The following SELENOP variants were observed in gnomAD, a reference collection of about 807,000 sequenced individuals.
The protein encoded by SELENOP is selenoprotein P, also known as selenoprotein P, plasma, 1.
Under a neutral mutation model 41.0 loss-of-function variants are expected in SELENOP, and 36 were observed. The observed-to-expected ratio is 0.88, with a 90% CI of 0.67 to 1.16. SELENOP has a LOEUF of 1.16. SELENOP is among the 50% of genes most tolerant of loss of function. SELENOP has a pLI of 0.00. For synonymous variants in SELENOP, 144 were observed against 150.8 expected (o/e 0.95, Z 0.33); for missense variants, 440 against 454.2 (o/e 0.97, Z 0.28).
rs1760161140 is a variant in SELENOP at position 42,800,584 on chromosome 5, A to G, written c.*136T>C. 2 of 1,070,992 alleles carry G rather than the reference A, an allele frequency of 1.9e-6. No homozygotes were observed. The highest frequency in any genetic ancestry group is 5.2e-5 in the Admixed American group (2 of 38,262). 66.3% of individuals were successfully genotyped at this position (1,070,992 alleles called of 1,614,324 possible). Reference sequence around the variant, plus strand: ...TATGACATAAAATTTAAAATCTGGAAGCCAATTCAGTAGATTTCTCCATGT... The same window carrying G: ...TATGACATAAAATTTAAAATCTGGAGGCCAATTCAGTAGATTTCTCCATGT... On this transcript the variant is annotated 3_prime_UTR_variant, in exon 5 of 5. Transcript: ENST00000514985.
At chr5:42,811,205 C>A (rs557226663) in intron 1 of SELENOP, among the ~76,000 whole-genome samples, 54 of 152,268 alleles carry the variant, frequency 3.5e-4, no homozygotes, top group African/African-American at 1.2e-3. Context: ...GAACTTTAGG[C>A]CAGCATCTGA....
At chr5:42,803,937 C>T (rs1389349204) in intron 4 of SELENOP, among the ~76,000 whole-genome samples, 1 of 152,146 alleles carries the variant, frequency 6.6e-6, no homozygotes, top group Non-Finnish European at 1.5e-5. Context: ...TAGTTTCTGG[C>T]CCCAGTTCCA....
chr5:42,810,786 G>A, intron 1 of SELENOP: 1 of 1,078,360 alleles, frequency 9.3e-7, no homozygotes, highest in Non-Finnish European at 1.2e-6. Flanking sequence ...TAGCTGAATG[G>A]TGAATACAAA....
At chr5:42,803,483 A>G (rs1264314152) in intron 4 of SELENOP, among the ~76,000 whole-genome samples, 1 of 150,770 alleles carries the variant, frequency 6.6e-6, no homozygotes, top group African/African-American at 2.5e-5. Context: ...ACATAACTAG[A>G]GTAAGTAACT....
Position 42,801,336 on chromosome 5 carries a change from A to T in SELENOP, c.535-5T>A, listed in dbSNP as rs778463136. 1 of 1,588,166 alleles carries T rather than the reference A, an allele frequency of 6.3e-7. No homozygotes were observed. The highest frequency in any genetic ancestry group is 1.1e-5 in the South Asian group (1 of 87,946). ...AAAGTCTTCATCTTTGAGAGTCTGG[A>T]ACAAATTTATAAATCACTTTTTAAC... On this transcript the variant is annotated splice_region_variant and splice_polypyrimidine_tract_variant and intron_variant, in intron 4 of 4. Coordinates refer to ENST00000514985, the MANE Select transcript of SELENOP (RefSeq NM_005410.4).
chr5:42,809,778 T>C, intron 1 of SELENOP: 1 of 958,762 alleles, frequency 1.0e-6, no homozygotes, highest in Non-Finnish European at 1.2e-6. Flanking sequence ...GATATCTTGA[T>C]AAGAACTTAA....
At chr5:42,804,296 C>G (rs1760280009) in intron 4 of SELENOP, among the ~76,000 whole-genome samples, 1 of 152,058 alleles carries the variant, frequency 6.6e-6, no homozygotes, top group African/African-American at 2.4e-5. Context: ...CCCGTCTCTA[C>G]TAAAAATACA....
In SELENOP at chr5:42,800,077, C is replaced by G; in HGVS notation, c.*643G>C. 3.9e-6 allele frequency: 1 copy of G among 254,096 alleles called. No individual in the cohort carries two copies. The highest frequency in any genetic ancestry group is 7.4e-6 in the Non-Finnish European group (1 of 135,258). 15.7% of individuals were successfully genotyped at this position (254,096 alleles called of 1,614,324 possible). A position where few individuals can be genotyped will look rare whatever the true frequency, so the allele number is the denominator to read the frequency against. ...GACAATATTATCTTTCCCCTTATATCTTTTAAGACAGCCACTCAAGTTTTA... is the reference window on the plus strand; with the variant it reads ...GACAATATTATCTTTCCCCTTATATGTTTTAAGACAGCCACTCAAGTTTTA... On this transcript the variant is annotated 3_prime_UTR_variant, in exon 5 of 5. Transcript: ENST00000514985.
chr5:42,804,254 G>A (rs28919907), intron 4 of SELENOP, among the ~76,000 whole-genome samples: 9 of 152,214 alleles, frequency 5.9e-5, no homozygotes, highest in Admixed American at 5.9e-4. Flanking sequence ...AAGGGCTGGA[G>A]ATCGAGACCA....
At chr5:42,804,436 C>G (rs28919269) in intron 4 of SELENOP, among the ~76,000 whole-genome samples, 39,063 of 151,846 alleles carry the variant, frequency 0.26, 5,578 homozygotes, top group Admixed American at 0.37. Flanking sequence ...ACTCCAGCCT[C>G]GGCGACAGAG....
rs531497308 is a variant in SELENOP at position 42,807,138 on chromosome 5, T to C, written c.204-30A>G. The C allele has an allele frequency of 1.8e-5, 20 of 1,083,000 alleles. 1 individual carries two copies. Among genetic ancestry groups the C allele is most frequent in the Middle Eastern group, 6.2e-4 (2 of 3,240 alleles). 67.1% of individuals were successfully genotyped at this position (1,083,000 alleles called of 1,614,324 possible). Reference sequence around the variant, plus strand: ...AATATTTGGGAAGAAATACATAAAATGAATAATCTCATTTGATTTGATTAG... The same window carrying C: ...AATATTTGGGAAGAAATACATAAAACGAATAATCTCATTTGATTTGATTAG... On this transcript the variant is annotated intron_variant, in intron 2 of 4. Coordinates refer to ENST00000514985, the MANE Select transcript of SELENOP (RefSeq NM_005410.4).
chr5:42,807,213 T>A, intron 2 of SELENOP, 105 bp from the exon 3 acceptor site: 1 of 602,246 alleles, frequency 1.7e-6, no homozygotes, highest in Non-Finnish European at 2.9e-6. Flanking sequence ...CTCCTTCTTA[T>A]TTTTAACTAA....
chr5:42,811,441 T>G (rs558505269), intron 1 of SELENOP, among the ~76,000 whole-genome samples: 12 of 152,366 alleles, frequency 7.9e-5, no homozygotes, highest in Admixed American at 5.9e-4. Context: ...TATTTCAGTG[T>G]CTGCTCTTCA....
At chr5:42,809,716 A>T (rs1760419083) in intron 1 of SELENOP, 1 of 715,338 alleles carries the variant, frequency 1.4e-6, no homozygotes, top group Non-Finnish European at 1.7e-6. Flanking sequence ...AGAATTTTTA[A>T]CCCTGATTGT....
At chr5:42,801,581 A>C in intron 4 of SELENOP, 1 of 456,918 alleles carries the variant, frequency 2.2e-6, no homozygotes. Flanking sequence ...GGCAAAAGGA[A>C]CTTGGATTGC....
intron 4 of SELENOP, 50 bp from the exon 5 acceptor site, chr5:42,801,381 T>G: frequency 3.0e-5 from 39 of 1,283,556 alleles, no homozygotes; most frequent in Non-Finnish European, 3.7e-5. Context: ...GAGATAGGAA[T>G]AATGCGTGAA....
At position 42,799,954 on chromosome 5, in the gene SELENOP, A is replaced by G. The variant is rs1290161456; in HGVS notation, c.*766T>C. ...CCAATTCTGTACTGCATTCTTGCTT[A>G]ATAGTATTAACCATAAAGGAGGTCA... On this transcript the variant is annotated 3_prime_UTR_variant, in exon 5 of 5. Coordinates refer to ENST00000514985, the MANE Select transcript of SELENOP (RefSeq NM_005410.4). The G allele has an allele frequency of 9.3e-6, 6 of 642,516 alleles. No homozygotes were observed. In the Admixed American group the frequency reaches 2.7e-4, roughly 29 times the overall value. 39.8% of individuals were successfully genotyped at this position (642,516 alleles called of 1,614,324 possible). A position where few individuals can be genotyped will look rare whatever the true frequency, so the allele number is the denominator to read the frequency against.
chr5:42,801,121 G>A lies in SELENOP; in HGVS notation c.745C>T (p.His249Tyr). 6.2e-7 allele frequency: 1 copy of A among 1,614,140 alleles called. No homozygotes were observed. Among genetic ancestry groups the A allele is most frequent in the East Asian group, 2.2e-5 (1 of 44,888 alleles). The stretch of plus-strand genomic sequence containing the variant: ...TGACCCTGCCTATGCTGACCCTTGT[G>A]CTTATGGTGGTGATGAAGGCCTGGA... ...APPGLHHHHK[H>Y]KGQHRQGHPE... Residue 249 changes from histidine to tyrosine, a missense_variant, in exon 5 of 5, where the codon CAC becomes TAC. Transcript: ENST00000514985.
At chr5:42,811,014 A>G (rs1220848279) in intron 1 of SELENOP, among the ~76,000 whole-genome samples, 1 of 152,252 alleles carries the variant, frequency 6.6e-6, no homozygotes. Context: ...GAAGATAAAT[A>G]ACAAAATTGG....
Sources: allele counts gnomAD v4.1 joint callset (sites outside exome capture counted in the v4.1 genomes callset), GRCh38; gene constraint gnomAD v4.1.1; transcripts MANE v1.5; gene names NCBI Gene and HGNC (gene_info 2026-07-23, HGNC 2026-07-21).